Variants in AKT3 observed in about 807,000 individuals in gnomAD.
AKT3 encodes the protein RAC-gamma serine/threonine-protein kinase.
AKT3 carries 15 observed loss-of-function variants against 65.3 expected under a neutral mutation model. That is an observed-to-expected ratio of 0.23 (90% CI 0.15 to 0.35). The LOEUF is 0.35. Ranked by LOEUF, AKT3 falls within the 10% of genes least tolerant of loss-of-function variation. The pLI, the probability that AKT3 is intolerant of heterozygous loss-of-function variation, is 1.00. For missense variants in AKT3, 243 were observed against 576.5 expected, an observed-to-expected ratio of 0.42 and a Z score of 5.92; for synonymous variants, 206 against 183.8, an observed-to-expected ratio of 1.12 and a Z score of -0.98.
At chr1:243,806,523 G>A (rs1486050309) in intron 2 of AKT3, among the ~76,000 whole-genome samples, 1 of 152,140 alleles carries the variant, frequency 6.6e-6, no homozygotes, top group East Asian at 1.9e-4. Flanking sequence ...TTGGTTTCCT[G>A]CCACAAATAT....
At chr1:243,666,143 A>T (rs1682756883) in intron 3 of AKT3, among the ~76,000 whole-genome samples, 1 of 152,100 alleles carries the variant, frequency 6.6e-6, no homozygotes, top group African/African-American at 2.4e-5. Context: ...TGCTGTGATT[A>T]CAGGCGTGCA....
chr1:243,572,797 T>A, intron 9 of AKT3, 129 bp downstream of exon 9: 1 of 1,061,198 alleles, frequency 9.4e-7, no homozygotes, highest in Non-Finnish European at 1.3e-6. Flanking sequence ...TGAACTAAAT[T>A]TTTAAACATA....
At chr1:243,811,295 C>T (rs903756511) in intron 2 of AKT3, among the ~76,000 whole-genome samples, 1 of 152,190 alleles carries the variant, frequency 6.6e-6, no homozygotes, top group Non-Finnish European at 1.5e-5. Flanking sequence ...AGCCCAAAAC[C>T]TCCTTAAGCT....
rs145827262 is a variant in AKT3, at chr1:243,719,966, C to T, written c.47-24250G>A. On this transcript the variant is annotated intron_variant, in intron 2 of 13. Transcript: ENST00000673466. The stretch of plus-strand genomic sequence containing the variant: ...TCTCTTGTATGTTCTTAAATACTTA[C>T]TTAATAACCTTGGTGTTAAGAGAGA... Among the ~76,000 whole-genome samples the T allele has an allele frequency of 1.5e-4, 23 of 152,268 alleles. No homozygotes were observed. The East Asian group carries it at 4.4e-3, about 29-fold the overall frequency.
intron 8 of AKT3, among the ~76,000 whole-genome samples, chr1:243,573,548 A>C (rs1674715575): frequency 6.6e-6 from 1 of 152,186 alleles, no homozygotes; most frequent in Non-Finnish European, 1.5e-5. Context: ...AATATTTTCA[A>C]AGTCAAATTA....
chr1:243,784,986 A>G (rs1691159815), intron 2 of AKT3, among the ~76,000 whole-genome samples: 1 of 149,796 alleles, frequency 6.7e-6, no homozygotes, highest in Non-Finnish European at 1.5e-5. Flanking sequence ...CTGGATTTCA[A>G]CTCCCGGCTT....
At chr1:243,605,040 TTA>T (rs975631035) in intron 8 of AKT3, among the ~76,000 whole-genome samples, 7 of 152,156 alleles carry the variant, frequency 4.6e-5, no homozygotes, top group African/African-American at 1.7e-4. Context: ...TTTATTTTCT[TTA>T]GAGACAGGGT....
intron 11 of AKT3, among the ~76,000 whole-genome samples, chr1:243,549,040 C>T (rs1672867544): frequency 6.6e-6 from 1 of 152,058 alleles, no homozygotes; most frequent in Non-Finnish European, 1.5e-5. Context: ...AGATTCTGTC[C>T]TAGGCCCTCT....
chr1:243,511,622 C>G (rs1417307486), intron 13 of AKT3, among the ~76,000 whole-genome samples: 2 of 152,156 alleles, frequency 1.3e-5, no homozygotes, highest in African/African-American at 4.8e-5. Context: ...CAATCTTATC[C>G]ACATTCTTAA....
chr1:243,736,018 C>T (rs773826661), intron 2 of AKT3, among the ~76,000 whole-genome samples: 3 of 152,084 alleles, frequency 2.0e-5, no homozygotes, highest in South Asian at 2.1e-4. Flanking sequence ...TAGCCTAAAC[C>T]ATCTGCCACA....
intron 2 of AKT3, among the ~76,000 whole-genome samples, chr1:243,783,071 C>T (rs781113989): frequency 1.6e-4 from 24 of 152,154 alleles, no homozygotes; most frequent in Non-Finnish European, 3.1e-4. Context: ...TAAATTTGGT[C>T]TCAATCCCCA....
chr1:243,722,713 T>C (rs1019638191), intron 2 of AKT3, among the ~76,000 whole-genome samples: 2 of 152,208 alleles, frequency 1.3e-5, no homozygotes, highest in Admixed American at 6.5e-5. Context: ...TAATGATTCA[T>C]GTCTTCAATA....
intron 4 of AKT3, among the ~76,000 whole-genome samples, chr1:243,649,418 C>CACAT (rs1175626725): frequency 1.3e-5 from 2 of 151,196 alleles, no homozygotes; most frequent in Non-Finnish European, 2.9e-5. Context: ...TACACATACA[C>CACAT]ACATACATAC....
At chr1:243,644,996 T>C (rs541168484) in intron 5 of AKT3, among the ~76,000 whole-genome samples, 2 of 152,292 alleles carry the variant, frequency 1.3e-5, no homozygotes, top group South Asian at 4.1e-4. Flanking sequence ...GTATAGAATA[T>C]TATTCTTATT....
chr1:243,566,088 A>C (rs1442081974), intron 9 of AKT3, among the ~76,000 whole-genome samples: 5 of 152,330 alleles, frequency 3.3e-5, no homozygotes, highest in South Asian at 2.1e-4. Flanking sequence ...GAAACATGAC[A>C]GACAGGATGC....
In AKT3 at chr1:243,505,366, C is replaced by T. The variant is rs565340176; in HGVS notation, c.1355-32G>A. On this transcript the variant is annotated intron_variant, in intron 13 of 13. Transcript: ENST00000673466. ...GCAGGAAACATCTATTTTAATTTTA[C>T]ACATTCATTTTTTGCAACATTATCT... The T allele has an allele frequency of 2.4e-4, 379 of 1,593,464 alleles. 4 individuals are homozygous for T. The South Asian group carries it at 4.0e-3, about 17-fold the overall frequency.
chr1:243,495,160 G>A (rs928193681), downstream of AKT3, among the ~76,000 whole-genome samples: 1 of 152,240 alleles, frequency 6.6e-6, no homozygotes, highest in Non-Finnish European at 1.5e-5. Context: ...GGGCTTGGGT[G>A]CGCCCTGGGG....
intron 2 of AKT3, among the ~76,000 whole-genome samples, chr1:243,820,597 G>A (rs1213113465): frequency 1.3e-5 from 2 of 152,196 alleles, no homozygotes; most frequent in African/African-American, 4.8e-5. Context: ...CCAGTTTAGA[G>A]AGAAACATAA....
intron 3 of AKT3, among the ~76,000 whole-genome samples, chr1:243,690,292 G>A (rs1192392703): frequency 6.6e-6 from 1 of 152,160 alleles, no homozygotes; most frequent in African/African-American, 2.4e-5. Flanking sequence ...AAACTCAAGA[G>A]AGGTTCATAC....
Sources: allele counts gnomAD v4.1 joint callset (sites outside exome capture counted in the v4.1 genomes callset), GRCh38; gene constraint gnomAD v4.1.1; transcripts MANE v1.5; gene names NCBI Gene and HGNC (gene_info 2026-07-23, HGNC 2026-07-21).